Variants in OIT3 observed in about 807,000 individuals in gnomAD.
The protein encoded by OIT3 is oncoprotein-induced transcript 3 protein.
Under a neutral mutation model 52.2 loss-of-function variants are expected in OIT3, and 41 were observed. The observed-to-expected ratio is 0.79, with a 90% CI of 0.61 to 1.02. The LOEUF (loss-of-function observed/expected upper bound fraction) is 1.02, where lower values mean the gene tolerates loss of function less well. OIT3 is among the 50% of genes least tolerant of loss of function. The pLI, the probability that OIT3 is intolerant of heterozygous loss-of-function variation, is 0.00. For missense variants in OIT3, 634 were observed against 715.5 expected (o/e 0.89, Z 1.30); for synonymous variants, 244 against 276.9 (o/e 0.88, Z 1.18).
intron 4 of OIT3, among the ~76,000 whole-genome samples, chr10:72,908,971 C>T (rs1266774722): frequency 6.7e-6 from 1 of 150,176 alleles, no homozygotes; most frequent in East Asian, 1.9e-4. Flanking sequence ...GGGCTACATG[C>T]ACGGGTTTGT....
chr10:72,906,374 T>C (rs1689305475), intron 3 of OIT3, among the ~76,000 whole-genome samples: 1 of 152,162 alleles, frequency 6.6e-6, no homozygotes, highest in African/African-American at 2.4e-5. Flanking sequence ...AGAAGGTAAT[T>C]GGCAAGCAAT....
chr10:72,926,983 A>G (rs996660684), intron 7 of OIT3, among the ~76,000 whole-genome samples: 16 of 152,170 alleles, frequency 1.1e-4, no homozygotes, highest in Non-Finnish European at 2.1e-4. Context: ...TTCTCACTGT[A>G]AGTTTTCCCC....
intron 6 of OIT3, among the ~76,000 whole-genome samples, chr10:72,914,524 G>A (rs1337916558): frequency 2.0e-5 from 3 of 152,198 alleles, no homozygotes; most frequent in East Asian, 3.8e-4. Flanking sequence ...TCCCACTTGA[G>A]GCAAGTTATG....
intron 6 of OIT3, chr10:72,917,922 G>T: frequency 2.7e-6 from 3 of 1,095,140 alleles, no homozygotes; most frequent in South Asian, 2.5e-5. Context: ...ATTTTTGGCT[G>T]GAGTATCTTG....
intron 3 of OIT3, among the ~76,000 whole-genome samples, chr10:72,904,584 C>T (rs1845962569): frequency 6.6e-6 from 1 of 152,170 alleles, no homozygotes; most frequent in African/African-American, 2.4e-5. Context: ...TCAGTTCTGC[C>T]TTGTCTTTTT....
chr10:72,900,037 G>T (rs1009846894), intron 2 of OIT3, among the ~76,000 whole-genome samples: 1 of 152,190 alleles, frequency 6.6e-6, no homozygotes, highest in Non-Finnish European at 1.5e-5. Flanking sequence ...GGGAATCATT[G>T]ATCTAGATGA....
intron 6 of OIT3, among the ~76,000 whole-genome samples, chr10:72,919,292 A>T (rs1846101138): frequency 6.6e-6 from 1 of 152,074 alleles, no homozygotes; most frequent in Non-Finnish European, 1.5e-5. Context: ...TTTTTGCACC[A>T]TTGATTTTGT....
chr10:72,920,914 G>T (rs1487564031), intron 6 of OIT3, among the ~76,000 whole-genome samples: 1 of 152,196 alleles, frequency 6.6e-6, no homozygotes, highest in East Asian at 1.9e-4. Flanking sequence ...TTTTGGGGTG[G>T]AGACTTCTGT....
At chr10:72,900,263 C>A (rs1178674348) in intron 2 of OIT3, 114 bp from the exon 3 acceptor site, 4 of 642,282 alleles carry the variant, frequency 6.2e-6, no homozygotes, top group African/African-American at 5.5e-5. Context: ...TCGAGGCCAG[C>A]CTGGGCAACA....
At chr10:72,930,783 A>G in intron 8 of OIT3, 146 bp downstream of exon 8, 1 of 605,562 alleles carries the variant, frequency 1.7e-6, no homozygotes, top group East Asian at 2.8e-5. Context: ...GCCATCGAGA[A>G]GCTTAACCCT....
At chr10:72,917,953 C>T in intron 6 of OIT3, 1 of 898,272 alleles carries the variant, frequency 1.1e-6, no homozygotes, top group Non-Finnish European at 1.8e-6. Context: ...TTCACTGGTG[C>T]TTTTTCTTCA....
At position 72,924,398 on chromosome 10, in the gene OIT3, A is replaced by C. The variant is rs1351958098; in HGVS notation, c.1121A>C (p.Asn374Thr). The C allele has an allele frequency of 6.2e-7, 1 of 1,613,164 alleles. No individual in the cohort carries two copies. ...ISEGYVPNLR[N>T]SPLEIMSRNH... is the part of the protein sequence containing the mutation. ...GAAGGATACGTTCCCAACCTTCGAA[A>C]CTCCCCACTGGAAATCATGAGCCGA... The change falls in exon 7 of 9, where the codon AAC becomes ACC. Residue 374 changes from asparagine to threonine, a missense_variant. Physicochemically the swap from Asn to Thr is moderately conservative, Grantham distance 65. Transcript: ENST00000334011.
At chr10:72,929,209 CA>C (rs1483658851) in intron 7 of OIT3, among the ~76,000 whole-genome samples, 1 of 148,778 alleles carries the variant, frequency 6.7e-6, no homozygotes, top group Non-Finnish European at 1.5e-5. Context: ...CAAAACAAAA[CA>C]AAAAAAAAGA....
At chr10:72,899,606 A>G (rs561367113) in intron 2 of OIT3, among the ~76,000 whole-genome samples, 39 of 151,920 alleles carry the variant, frequency 2.6e-4, no homozygotes, top group African/African-American at 4.8e-5. Flanking sequence ...AAAAAAAAAA[A>G]AAAAAGAAAA....
In OIT3 at chr10:72,911,831, C is replaced by A; in HGVS notation, c.782C>A (p.Thr261Asn). Residue 261 changes from threonine (T) to asparagine (N), a missense_variant, in exon 5 of 9, where the codon ACT (threonine) becomes AAT (asparagine). By Grantham distance (65) the Thr-to-Asn change is moderately conservative. Coordinates refer to ENST00000334011, the MANE Select transcript of OIT3 (RefSeq NM_152635.3). ...RGLVLSEDNH[T>N]CQVPVLCKSN... ...CTGGTGCTGTCTGAGGATAACCACA[C>A]TTGCCAAGGTAGTACATGGGGCAGG... 6.2e-7 allele frequency: 1 copy of A among 1,613,334 alleles called. No individual in the cohort carries two copies. The highest frequency in any genetic ancestry group is 8.5e-7 in the Non-Finnish European group (1 of 1,179,582).
intron 7 of OIT3, among the ~76,000 whole-genome samples, chr10:72,926,274 C>G (rs1395373226): frequency 6.6e-6 from 1 of 152,230 alleles, no homozygotes; most frequent in East Asian, 1.9e-4. Context: ...CAGCCTTCAC[C>G]TGCTGCTATC....
Position 72,924,258 on chromosome 10 carries a change from C to A in OIT3, c.981C>A (p.Asn327Lys). The A allele has an allele frequency of 1.9e-6, 3 of 1,604,342 alleles. No homozygotes were observed. Among genetic ancestry groups the A allele is most frequent in the Non-Finnish European group, 2.6e-6 (3 of 1,172,944 alleles). Residue 327 changes from asparagine to lysine, a missense_variant, in exon 7 of 9, where the codon AAC becomes AAA. By Grantham distance (94) the Asn-to-Lys change is moderately conservative (BLOSUM62 0). Coordinates refer to ENST00000334011, the MANE Select transcript of OIT3 (RefSeq NM_152635.3). Reference protein sequence around the residue: ...DVVNDKIVASNLVTGLPKQTP... With the variant: ...DVVNDKIVASKLVTGLPKQTP... ...TGAATGACAAGATTGTGGCCAGCAACCTCGTGACAGGTCTACCCAAGCAGA... is the reference window on the plus strand; with the variant it reads ...TGAATGACAAGATTGTGGCCAGCAAACTCGTGACAGGTCTACCCAAGCAGA...
rs1589524798 is a variant in OIT3, at chr10:72,911,756, A to G, written c.707A>G (p.His236Arg). 1 of 1,613,478 alleles carries G rather than the reference A, an allele frequency of 6.2e-7. No homozygotes were observed. Among genetic ancestry groups the G allele is most frequent in the Admixed American group, 1.7e-5 (1 of 59,936 alleles). Reference protein sequence around the residue: ...GCHNNNGGCSHSCLGSEKGYQ... With the variant: ...GCHNNNGGCSRSCLGSEKGYQ... ...CACAATAACAATGGTGGCTGCAGCCACTCTTGCCTTGGATCTGAGAAAGGC... is the reference window on the plus strand; with the variant it reads ...CACAATAACAATGGTGGCTGCAGCCGCTCTTGCCTTGGATCTGAGAAAGGC... The change falls in exon 5 of 9, where the codon CAC becomes CGC. Residue 236 changes from histidine (H) to arginine (R), a missense_variant. Coordinates refer to ENST00000334011, the MANE Select transcript of OIT3 (RefSeq NM_152635.3).
At chr10:72,930,473 G>A (rs1174438226) in intron 7 of OIT3, 65 bp from the exon 8 acceptor site, 37 of 1,225,780 alleles carry the variant, frequency 3.0e-5, no homozygotes, top group Non-Finnish European at 4.3e-5. Flanking sequence ...AAAATGTTGG[G>A]TTAGATTGTT....
Sources: gnomAD v4.1 joint callset for allele counts (sites outside exome capture counted in the v4.1 genomes callset) on GRCh38, gnomAD v4.1.1 for gene constraint, MANE v1.5 for transcripts, NCBI Gene and HGNC (gene_info 2026-07-23, HGNC 2026-07-21) for gene names.